Variants in CADPS observed in about 807,000 individuals in gnomAD.
CADPS encodes the protein calcium dependent secretion activator.
In CADPS, 57 loss-of-function variants were observed where a neutral mutation model predicts 167.3. That is an observed-to-expected ratio of 0.34 (90% CI 0.28 to 0.42). CADPS has a LOEUF of 0.42. Ranked by LOEUF, CADPS falls within the 20% of genes least tolerant of loss-of-function variation. The probability of loss-of-function intolerance (pLI) is 1.00; values close to 1 mark genes in which losing one functional copy is unlikely to be tolerated. For missense variants in CADPS, 1,414 were observed against 1,738.1 expected (o/e 0.81, Z 3.32); for synonymous variants, 676 against 635.3 (o/e 1.06, Z -0.96).
chr3:62,637,898 G>A (rs928454463), intron 6 of CADPS, among the ~76,000 whole-genome samples: 3 of 151,988 alleles, frequency 2.0e-5, no homozygotes, highest in Non-Finnish European at 4.4e-5. Context: ...AATGATGACT[G>A]TGAAATACCT....
At chr3:62,526,234 C>G (rs929755920) in intron 13 of CADPS, among the ~76,000 whole-genome samples, 4 of 152,120 alleles carry the variant, frequency 2.6e-5, no homozygotes, top group African/African-American at 9.7e-5. Flanking sequence ...ATACATCGCC[C>G]AAAAGAAATC....
chr3:62,431,912 A>G (rs982173679), intron 28 of CADPS, among the ~76,000 whole-genome samples: 2 of 151,716 alleles, frequency 1.3e-5, no homozygotes, highest in Non-Finnish European at 2.9e-5. Context: ...ACCACTGATA[A>G]TGATATGTGG....
At chr3:62,593,971 C>G (rs192169154) in intron 6 of CADPS, among the ~76,000 whole-genome samples, 1 of 152,200 alleles carries the variant, frequency 6.6e-6, no homozygotes, top group Admixed American at 6.5e-5. Context: ...ATAGAAGGAA[C>G]TTAACAAATA....
intron 3 of CADPS, among the ~76,000 whole-genome samples, chr3:62,692,684 A>G (rs6445285): frequency 0.72 from 109,340 of 151,926 alleles, 39,757 homozygotes; most frequent in East Asian, 0.95. Context: ...TTACCTGCCA[A>G]GATGGTAACA....
At chr3:62,542,221 G>T (rs2152111378) in intron 11 of CADPS, among the ~76,000 whole-genome samples, 1 of 152,260 alleles carries the variant, frequency 6.6e-6, no homozygotes, top group South Asian at 2.1e-4. Context: ...TATGGCTGTT[G>T]CTACTCCTGA....
At chr3:62,693,001 T>C (rs1218728296) in intron 3 of CADPS, among the ~76,000 whole-genome samples, 1 of 148,196 alleles carries the variant, frequency 6.7e-6, no homozygotes, top group Non-Finnish European at 1.5e-5. Flanking sequence ...TCTCCTTCAC[T>C]GGTTGTTTTT....
chr3:62,486,502 TA>T (rs911995190), intron 21 of CADPS, among the ~76,000 whole-genome samples: 14 of 151,730 alleles, frequency 9.2e-5, no homozygotes, highest in African/African-American at 3.1e-4. Flanking sequence ...AAAGTGACAT[TA>T]AAAAATACTT....
At chr3:62,607,970 T>C (rs1356415056) in intron 6 of CADPS, among the ~76,000 whole-genome samples, 1 of 152,178 alleles carries the variant, frequency 6.6e-6, no homozygotes, top group African/African-American at 2.4e-5. Flanking sequence ...ATTGGGGAAA[T>C]GGCTCTGGAG....
chr3:62,780,350 T>A (rs1416932588), intron 1 of CADPS, among the ~76,000 whole-genome samples: 1 of 152,106 alleles, frequency 6.6e-6, no homozygotes, highest in African/African-American at 2.4e-5. Context: ...CCCAGAAGCT[T>A]GAGGCTGCAG....
At chr3:62,777,777 C>T (rs771294286) in intron 1 of CADPS, among the ~76,000 whole-genome samples, 1 of 152,124 alleles carries the variant, frequency 6.6e-6, no homozygotes, top group South Asian at 2.1e-4. Context: ...ACAAAGGGAT[C>T]CGAATACAGC....
intron 3 of CADPS, among the ~76,000 whole-genome samples, chr3:62,716,126 C>T (rs999410826): frequency 1.3e-5 from 2 of 152,062 alleles, no homozygotes. Context: ...GTGGCATGAT[C>T]TTGGCTCATT....
At chr3:62,801,909 AT>A (rs1396436296) in intron 1 of CADPS, among the ~76,000 whole-genome samples, 6 of 152,060 alleles carry the variant, frequency 3.9e-5, no homozygotes, top group African/African-American at 1.4e-4. Context: ...CTGAATCTTA[AT>A]TTTTTTCTTT....
rs554621283 is a variant in CADPS, at chr3:62,494,787, G to C, written c.2707-1122C>G. The stretch of plus-strand genomic sequence containing the variant: ...CTCCTGACTAGCTGGAATTACAGGC[G>C]CCTGCCACCATACCTGGCTAATTTT... On this transcript the variant is annotated intron_variant, in intron 18 of 29. Transcript: ENST00000383710. Among the ~76,000 whole-genome samples the C allele has an allele frequency of 1.4e-3, 202 of 148,752 alleles. 1 individual carries two copies. Among genetic ancestry groups the C allele is most frequent in the African/African-American group, 4.0e-3 (160 of 40,262 alleles).
chr3:62,538,489 C>T (rs2075141635), intron 11 of CADPS, among the ~76,000 whole-genome samples: 1 of 152,140 alleles, frequency 6.6e-6, no homozygotes, highest in Non-Finnish European at 1.5e-5. Context: ...GCATGGGGTA[C>T]ACACGAATTG....
At chr3:62,762,801 A>G (rs1005879938) in intron 2 of CADPS, among the ~76,000 whole-genome samples, 2 of 152,202 alleles carry the variant, frequency 1.3e-5, no homozygotes, top group Admixed American at 1.3e-4. Context: ...ATACTGAGTA[A>G]TGAATATATG....
chr3:62,637,209 G>A (rs149452777), intron 6 of CADPS, among the ~76,000 whole-genome samples: 10 of 152,154 alleles, frequency 6.6e-5, no homozygotes, highest in African/African-American at 2.4e-4. Context: ...TCAAATTTAG[G>A]GAAACTGAGG....
chr3:62,635,214 G>T (rs534769674), intron 6 of CADPS, among the ~76,000 whole-genome samples: 1 of 152,286 alleles, frequency 6.6e-6, no homozygotes, highest in East Asian at 1.9e-4. Context: ...TGCTCTTGGG[G>T]TAGAAATAGG....
In CADPS at chr3:62,555,258, A is replaced by G. The variant is rs59867928; in HGVS notation, c.1753+2147T>C. Among the ~76,000 whole-genome samples, 722 of 152,306 alleles carry G rather than the reference A, an allele frequency of 4.7e-3. 4 individuals are homozygous for G. The highest frequency in any genetic ancestry group is 0.017 in the African/African-American group (695 of 41,564). ...TACATCTTTCGTATAGAAATTTATA[A>G]ATTATATCCCATGGGATCGATGTAA... On this transcript the variant is annotated intron_variant, in intron 10 of 29. Coordinates refer to ENST00000383710, the MANE Select transcript of CADPS (RefSeq NM_003716.4).
rs553217135 is a variant in CADPS, at chr3:62,601,628, G to C, written c.1326-8880C>G. 6.6e-6 allele frequency among the ~76,000 whole-genome samples: 1 copy of C among 152,282 alleles called. No homozygotes were observed. The highest frequency in any genetic ancestry group is 1.9e-4 in the East Asian group (1 of 5,192). On this transcript the variant is annotated intron_variant, in intron 6 of 29. Coordinates refer to ENST00000383710, the MANE Select transcript of CADPS (RefSeq NM_003716.4). The surrounding 1 kb of genome is among the most constrained non-coding windows in gnomAD (Gnocchi z 4.3). ...AGTTTATTAGAAAATTGGGGCTTGT[G>C]TATCATAGCATTTCAGACACGTGGT...
Sources: allele counts gnomAD v4.1 joint callset (sites outside exome capture counted in the v4.1 genomes callset), GRCh38; gene constraint gnomAD v4.1.1; non-coding constraint Gnocchi (gnomAD v3.1); transcripts MANE v1.5; gene names NCBI Gene and HGNC (gene_info 2026-07-23, HGNC 2026-07-21).